SDCCAG8: variants seen among roughly 807,000 people sequenced by gnomAD.
SDCCAG8 encodes the protein serologically defined colon cancer antigen 8.
Under a neutral mutation model 101.8 loss-of-function variants are expected in SDCCAG8, and 74 were observed. That is an observed-to-expected ratio of 0.73 (90% confidence interval 0.60 to 0.88). The LOEUF (loss-of-function observed/expected upper bound fraction) is 0.88. SDCCAG8 is among the 40% of genes least tolerant of loss of function. The probability of loss-of-function intolerance (pLI) is 0.00; values close to 1 mark genes in which losing one functional copy is unlikely to be tolerated. For synonymous variants in SDCCAG8, 281 were observed against 292.9 expected (o/e 0.96, Z 0.41); for missense variants, 787 against 822.6 (o/e 0.96, Z 0.53).
intron 13 of SDCCAG8, among the ~76,000 whole-genome samples, chr1:243,396,721 C>T (rs2079057256): frequency 6.6e-6 from 1 of 152,162 alleles, no homozygotes; most frequent in African/African-American, 2.4e-5. Context: ...ATGAGAAGTG[C>T]AGACACACAT....
chr1:243,275,856 G>GTTTTTTTT (rs11344816), intron 4 of SDCCAG8, among the ~76,000 whole-genome samples: 2 of 59,108 alleles, frequency 3.4e-5, no homozygotes, highest in African/African-American at 8.0e-5. Context: ...TTGAACCAAT[G>GTTTTTTTT]TTTTTTTTTT....
At chr1:243,344,357 A>G in intron 12 of SDCCAG8, 26 bp downstream of exon 12, 1 of 1,369,404 alleles carries the variant, frequency 7.3e-7, no homozygotes, top group Non-Finnish European at 1.0e-6. Flanking sequence ...GCATAATTGC[A>G]GCAATTATAG....
intron 3 of SDCCAG8, among the ~76,000 whole-genome samples, chr1:243,272,142 A>G (rs1413556189): frequency 6.6e-6 from 1 of 152,230 alleles, no homozygotes; most frequent in African/African-American, 2.4e-5. Flanking sequence ...TGGAATAATG[A>G]GATAAGATTA....
intron 11 of SDCCAG8, among the ~76,000 whole-genome samples, chr1:243,343,441 G>A (rs1305364744): frequency 3.9e-5 from 6 of 152,016 alleles, no homozygotes; most frequent in South Asian, 2.1e-4. Context: ...TCCTAGATTC[G>A]AAAAAATAAA....
At chr1:243,346,401 A>G (rs2075708094) in intron 12 of SDCCAG8, 1 of 152,790 alleles carries the variant, frequency 6.5e-6, no homozygotes, top group African/African-American at 2.4e-5. Flanking sequence ...CAAGCAGGCT[A>G]TCTGTAGGTT....
chr1:243,296,390 T>C (rs1326793412), intron 6 of SDCCAG8, among the ~76,000 whole-genome samples: 1 of 152,152 alleles, frequency 6.6e-6, no homozygotes, highest in Non-Finnish European at 1.5e-5. Context: ...CACTTCCAAC[T>C]ATCACCCTAC....
intron 4 of SDCCAG8, among the ~76,000 whole-genome samples, chr1:243,275,966 C>T (rs924803993): frequency 4.1e-5 from 6 of 145,620 alleles, no homozygotes; most frequent in African/African-American, 1.3e-4. Flanking sequence ...CTGGTTCAAG[C>T]TATTCTCCTG....
intron 17 of SDCCAG8, among the ~76,000 whole-genome samples, chr1:243,493,478 C>T (rs573620410): frequency 4.6e-5 from 7 of 152,208 alleles, no homozygotes; most frequent in African/African-American, 7.2e-5. Context: ...TCTGTGTCTG[C>T]TTTCTTATTT....
At chr1:243,421,282 A>T (rs1383597221) in intron 15 of SDCCAG8, among the ~76,000 whole-genome samples, 1 of 152,248 alleles carries the variant, frequency 6.6e-6, no homozygotes, top group African/African-American at 2.4e-5. Flanking sequence ...CATTTAAAAC[A>T]AGATTTTAAA....
Position 243,488,865 on chromosome 1 carries a change from G to A in SDCCAG8, c.1986-149G>A, listed in dbSNP as rs1665673897. 3.8e-6 allele frequency: 4 copies of A among 1,057,098 alleles called. No individual in the cohort carries two copies. The Admixed American group carries it at 7.7e-5, about 20-fold the overall frequency. 65.5% of individuals were successfully genotyped at this position (1,057,098 alleles called of 1,614,324 possible). A position where few individuals can be genotyped will look rare whatever the true frequency, so the allele number is the denominator to read the frequency against. On this transcript the variant is annotated intron_variant, in intron 16 of 17. Coordinates refer to ENST00000366541, the MANE Select transcript of SDCCAG8 (RefSeq NM_006642.5). ...TCACACAGTGCGTACCAAGGACCTA[G>A]TGCCAGCCAGAGCCTGGCACCTCAG...
intron 4 of SDCCAG8, among the ~76,000 whole-genome samples, chr1:243,285,181 G>A (rs1159224035): frequency 6.6e-6 from 1 of 152,132 alleles, no homozygotes; most frequent in East Asian, 1.9e-4. Flanking sequence ...GCCCGGTCTG[G>A]AATTTTTAAC....
intron 1 of SDCCAG8, among the ~76,000 whole-genome samples, chr1:243,257,297 CTGTT>C (rs1327710359): frequency 6.6e-6 from 1 of 152,110 alleles, no homozygotes; most frequent in Admixed American, 6.5e-5. Context: ...TAGGTCATGA[CTGTT>C]TGCGACATTG....
In SDCCAG8 at chr1:243,415,622, C is replaced by G. The variant is rs182819335; in HGVS notation, c.1617-80C>G. On this transcript the variant is annotated intron_variant, in intron 13 of 17. Coordinates refer to ENST00000366541, the MANE Select transcript of SDCCAG8 (RefSeq NM_006642.5). ...CTTAACAATTTACTACGTATCAGCT[C>G]TCTCTGGTCTATAGGGGACATGATG... 45 of 1,590,418 alleles carry G rather than the reference C, an allele frequency of 2.8e-5. No homozygotes were observed. The Admixed American group carries it at 7.5e-4, about 27-fold the overall frequency.
At chr1:243,323,895 G>C (rs771713329) in intron 9 of SDCCAG8, among the ~76,000 whole-genome samples, 53 of 151,714 alleles carry the variant, frequency 3.5e-4, no homozygotes, top group Non-Finnish European at 6.0e-4. Context: ...TACTCTCATG[G>C]GTCCACATTG....
chr1:243,379,699 T>A (rs2077824176), intron 13 of SDCCAG8, among the ~76,000 whole-genome samples: 1 of 152,216 alleles, frequency 6.6e-6, no homozygotes, highest in Non-Finnish European at 1.5e-5. Flanking sequence ...GGTTGCTCAG[T>A]TCTTAAAGTT....
intron 1 of SDCCAG8, among the ~76,000 whole-genome samples, chr1:243,263,631 A>G (rs2067358415): frequency 6.6e-6 from 1 of 152,148 alleles, no homozygotes; most frequent in Non-Finnish European, 1.5e-5. Flanking sequence ...ACACCCACAT[A>G]TCTTTAATGG....
At chr1:243,391,326 A>C (rs899692539) in intron 13 of SDCCAG8, among the ~76,000 whole-genome samples, 3 of 152,228 alleles carry the variant, frequency 2.0e-5, no homozygotes, top group Non-Finnish European at 4.4e-5. Flanking sequence ...GCCATGTCTC[A>C]TGGGAGACCA....
intron 3 of SDCCAG8, among the ~76,000 whole-genome samples, chr1:243,273,919 G>T (rs923414565): frequency 6.6e-6 from 1 of 152,112 alleles, no homozygotes; most frequent in Non-Finnish European, 1.5e-5. Context: ...TAAAAAAAAT[G>T]ATATTCACAT....
chr1:243,478,956 C>CAAAAAAAAA lies in SDCCAG8; in HGVS notation c.1986-10045_1986-10037dup, dbSNP rs148382740. Among the ~76,000 whole-genome samples the CAAAAAAAAA allele has an allele frequency of 1.1e-3, 100 of 94,646 alleles. 1 individual carries two copies. The highest frequency in any genetic ancestry group is 1.3e-3 in the Admixed American group (11 of 8,612). 62.1% of individuals were successfully genotyped at this position (94,646 alleles called of 152,430 possible). ...CTGGCCACAGAGTGAGACTCTGTCT[C>CAAAAAAAAA]AAAAAAAAAAAAAAAAAAAAAGAAA... On this transcript the variant is annotated intron_variant, in intron 16 of 17. Transcript: ENST00000366541.
Sources: gnomAD v4.1 joint callset for allele counts (sites outside exome capture counted in the v4.1 genomes callset) on GRCh38, gnomAD v4.1.1 for gene constraint, MANE v1.5 for transcripts, NCBI Gene and HGNC (gene_info 2026-07-23, HGNC 2026-07-21) for gene names.